Variants in GABRB2 observed in about 807,000 individuals in gnomAD.
GABRB2 encodes gamma-aminobutyric acid type A receptor subunit beta2, also known as gamma-aminobutyric acid receptor subunit beta-2.
Under a neutral mutation model 54.7 loss-of-function variants are expected in GABRB2, and 16 were observed. The observed-to-expected ratio is 0.29, with a 90% CI of 0.20 to 0.44. The LOEUF (loss-of-function observed/expected upper bound fraction) is 0.44, where lower values mean the gene tolerates loss of function less well. Ranked by LOEUF, GABRB2 falls within the 20% of genes least tolerant of loss-of-function variation. GABRB2 has a pLI of 1.00. For synonymous variants in GABRB2, 244 were observed against 233.8 expected, an observed-to-expected ratio of 1.04 and a Z score of -0.40; for missense variants, 355 against 644.0, an observed-to-expected ratio of 0.55 and a Z score of 4.86.
At chr5:161,326,711 T>C (rs1758374401) in intron 8 of GABRB2, among the ~76,000 whole-genome samples, 1 of 152,092 alleles carries the variant, frequency 6.6e-6, no homozygotes, top group Non-Finnish European at 1.5e-5. Flanking sequence ...TTAGTGGCTT[T>C]ACATTAGAAA....
chr5:161,408,937 T>C (rs1338001014), intron 5 of GABRB2, among the ~76,000 whole-genome samples: 2 of 152,052 alleles, frequency 1.3e-5, no homozygotes, highest in Non-Finnish European at 2.9e-5. Flanking sequence ...GATCCTAAAT[T>C]CACTTCAATA....
chr5:161,295,972 T>TA (rs1757370208), intron 9 of GABRB2, among the ~76,000 whole-genome samples: 1 of 152,240 alleles, frequency 6.6e-6, no homozygotes, highest in Non-Finnish European at 1.5e-5. Flanking sequence ...TTCCTTGACC[T>TA]ACAGAAGGAA....
intron 5 of GABRB2, among the ~76,000 whole-genome samples, chr5:161,369,409 A>G (rs1040917951): frequency 2.0e-5 from 3 of 152,192 alleles, no homozygotes; most frequent in Non-Finnish European, 2.9e-5. Context: ...GATTTCTCAA[A>G]CATATGAGTG....
chr5:161,480,301 T>C (rs1359102831), intron 3 of GABRB2, among the ~76,000 whole-genome samples: 1 of 152,010 alleles, frequency 6.6e-6, no homozygotes, highest in Non-Finnish European at 1.5e-5. Context: ...AATTTGGGGT[T>C]TGATTACAGA....
intron 7 of GABRB2, among the ~76,000 whole-genome samples, chr5:161,331,672 C>T (rs1753849154): frequency 6.6e-6 from 1 of 151,920 alleles, no homozygotes; most frequent in Non-Finnish European, 1.5e-5. Context: ...ATTGTGGGTA[C>T]ATTGCAAGAC....
chr5:161,513,674 T>C (rs1759847203), intron 3 of GABRB2, among the ~76,000 whole-genome samples: 1 of 152,080 alleles, frequency 6.6e-6, no homozygotes, highest in African/African-American at 2.4e-5. Context: ...AAACTAACTG[T>C]TGCATACTGT....
At chr5:161,543,581 T>C (rs1342304696) in intron 3 of GABRB2, among the ~76,000 whole-genome samples, 1 of 152,204 alleles carries the variant, frequency 6.6e-6, no homozygotes, top group African/African-American at 2.4e-5. Flanking sequence ...GGAGTCTGAA[T>C]CAATCACGTG....
At chr5:161,340,628 C>G (rs758909118) in intron 5 of GABRB2, among the ~76,000 whole-genome samples, 3 of 150,814 alleles carry the variant, frequency 2.0e-5, no homozygotes, top group Non-Finnish European at 4.4e-5. Context: ...CTGTAAATTG[C>G]AACACTAATA....
At chr5:161,294,754 A>C (rs932831442) in intron 9 of GABRB2, among the ~76,000 whole-genome samples, 2 of 152,228 alleles carry the variant, frequency 1.3e-5, no homozygotes, top group African/African-American at 4.8e-5. Context: ...CCTTTTGAAG[A>C]ATTTATAGTC....
intron 3 of GABRB2, among the ~76,000 whole-genome samples, chr5:161,525,294 T>C (rs993114542): frequency 3.3e-5 from 5 of 151,394 alleles, no homozygotes; most frequent in African/African-American, 1.2e-4. Context: ...ATCATCAAGA[T>C]CATTGTTCCC....
chr5:161,497,625 C>T (rs1405724444), intron 3 of GABRB2, among the ~76,000 whole-genome samples: 3 of 151,916 alleles, frequency 2.0e-5, no homozygotes, highest in Non-Finnish European at 4.4e-5. Context: ...TGCTGATGAA[C>T]ACCTGCAAAG....
chr5:161,438,170 C>T (rs563563963), intron 4 of GABRB2, among the ~76,000 whole-genome samples: 1 of 152,248 alleles, frequency 6.6e-6, no homozygotes, highest in East Asian at 1.9e-4. Context: ...TTGTATCACT[C>T]CACCCCCAGC....
intron 6 of GABRB2, among the ~76,000 whole-genome samples, 164 bp from the exon 7 acceptor site, chr5:161,335,068 C>A (rs1753953305): frequency 6.6e-6 from 1 of 152,140 alleles, no homozygotes. Context: ...TTTCTAATTA[C>A]CAGGAGTTAC....
At chr5:161,542,923 C>T (rs1007547984) in intron 3 of GABRB2, among the ~76,000 whole-genome samples, 1 of 152,174 alleles carries the variant, frequency 6.6e-6, no homozygotes, top group Non-Finnish European at 1.5e-5. Context: ...CCATCTGTTG[C>T]TTCAAAACAA....
intron 9 of GABRB2, among the ~76,000 whole-genome samples, chr5:161,311,930 A>G (rs183546492): frequency 2.6e-4 from 40 of 152,202 alleles, no homozygotes; most frequent in African/African-American, 9.2e-4. Context: ...ACAGGGAAGA[A>G]TTTTCCAAGA....
intron 5 of GABRB2, among the ~76,000 whole-genome samples, chr5:161,404,928 GAAATAATTCCTTTATTCC>G (rs1756302854): frequency 1.3e-5 from 2 of 152,092 alleles, no homozygotes; most frequent in Non-Finnish European, 2.9e-5. Flanking sequence ...CTTGCTCAGT[GAAATAATTCCTTTATTCC>G]CAGCAAATGG....
intron 5 of GABRB2, among the ~76,000 whole-genome samples, chr5:161,356,749 G>T (rs1580911995): frequency 6.6e-6 from 1 of 152,104 alleles, no homozygotes; most frequent in East Asian, 1.9e-4. Context: ...AACCAGAGAT[G>T]CAGAGAAAGA....
intron 5 of GABRB2, among the ~76,000 whole-genome samples, chr5:161,372,714 C>G (rs1755168000): frequency 6.6e-6 from 1 of 152,168 alleles, no homozygotes; most frequent in Non-Finnish European, 1.5e-5. Context: ...AGGCATGCTA[C>G]AGAATTCATT....
At chr5:161,534,254 G>C (rs759734093) in intron 3 of GABRB2, among the ~76,000 whole-genome samples, 9 of 152,110 alleles carry the variant, frequency 5.9e-5, no homozygotes, top group Non-Finnish European at 1.2e-4. Context: ...AGAAGCAAGG[G>C]ATTCAGTTAA....
Sources: allele counts gnomAD v4.1 joint callset (sites outside exome capture counted in the v4.1 genomes callset), GRCh38; gene constraint gnomAD v4.1.1; transcripts MANE v1.5; gene names NCBI Gene and HGNC (gene_info 2026-07-23, HGNC 2026-07-21).